The following ZFHX3 variants were observed in gnomAD, a reference collection of about 807,000 sequenced individuals.
ZFHX3 encodes the protein zinc finger homeobox 3.
A neutral mutation model predicts 279.1 loss-of-function variants in ZFHX3; 42 were observed. That is an observed-to-expected ratio of 0.15 (90% CI 0.12 to 0.19). The LOEUF (loss-of-function observed/expected upper bound fraction) is 0.19. Ranked by LOEUF, ZFHX3 falls within the 10% of genes least tolerant of loss-of-function variation. The pLI is 1.00. For synonymous variants in ZFHX3, 2,293 were observed against 1,957.8 expected, an observed-to-expected ratio of 1.17 and a Z score of -4.52; for missense variants, 4,981 against 4,754.0, an observed-to-expected ratio of 1.05 and a Z score of -1.40.
intron 1 of ZFHX3, among the ~76,000 whole-genome samples, chr16:73,706,604 T>A (rs1174102371): frequency 6.6e-6 from 1 of 152,180 alleles, no homozygotes; most frequent in African/African-American, 2.4e-5. Context: ...CAATCTCTCA[T>A]CACAGCCCTT....
chr16:73,068,755 G>A (rs535760033), intron 8 of ZFHX3, among the ~76,000 whole-genome samples: 1 of 152,358 alleles, frequency 6.6e-6, no homozygotes, highest in South Asian at 2.1e-4. Flanking sequence ...CAGGGAATAA[G>A]AGCAGGCAGA....
chr16:73,448,900 T>C (rs929778531), intron 3 of ZFHX3, among the ~76,000 whole-genome samples: 1 of 152,126 alleles, frequency 6.6e-6, no homozygotes, highest in Non-Finnish European at 1.5e-5. Context: ...ATGTACTCTA[T>C]AAAAGGAAAT....
chr16:72,924,296 G>C lies in ZFHX3; in HGVS notation c.3216+26173C>G, dbSNP rs548255032. ...CCTCTGTTAAACAGGGCAGCTCTGGGGCAACACCGCAGGCCCTTCCTAGGA... is the reference window on the plus strand; with the variant it reads ...CCTCTGTTAAACAGGGCAGCTCTGGCGCAACACCGCAGGCCCTTCCTAGGA... On this transcript the variant is annotated intron_variant, in intron 3 of 9. Transcript: ENST00000268489. 2.0e-5 allele frequency among the ~76,000 whole-genome samples: 3 copies of C among 152,230 alleles called. No individual in the cohort carries two copies. In the East Asian group the frequency reaches 5.8e-4, roughly 29 times the overall value.
At chr16:73,645,482 T>C (rs1014762994) in intron 2 of ZFHX3, among the ~76,000 whole-genome samples, 4 of 152,156 alleles carry the variant, frequency 2.6e-5, no homozygotes, top group Admixed American at 1.3e-4. Context: ...GGTTTCCATC[T>C]CCTGACCTCG....
At chr16:72,874,345 TACAGGCACCCGCCACCACACCA>T in intron 4 of ZFHX3, among the ~76,000 whole-genome samples, 1 of 151,880 alleles carries the variant, frequency 6.6e-6, no homozygotes, top group East Asian at 1.9e-4. Context: ...TGGCTGGGAC[TACAGGCACCCGCCACCACACCA>T]GGCTAATTTT....
intron 4 of ZFHX3, among the ~76,000 whole-genome samples, chr16:72,832,374 T>C (rs544655086): frequency 6.6e-6 from 1 of 152,268 alleles, no homozygotes; most frequent in East Asian, 1.9e-4. Context: ...GTGAGCCCAC[T>C]TGGGCTTTTG....
chr16:73,464,203 A>G (rs1402064506), intron 2 of ZFHX3, among the ~76,000 whole-genome samples: 2 of 152,154 alleles, frequency 1.3e-5, no homozygotes, highest in Non-Finnish European at 2.9e-5. Context: ...TGGAAGAAAG[A>G]GAGAAAGAGA....
chr16:72,983,559 T>A (rs1445432286), intron 1 of ZFHX3, among the ~76,000 whole-genome samples: 1 of 152,100 alleles, frequency 6.6e-6, no homozygotes, highest in African/African-American at 2.4e-5. Context: ...ATTAAAAAAT[T>A]AGCTGGGAGT....
At chr16:73,722,045 A>T (rs2053478262) in intron 1 of ZFHX3, among the ~76,000 whole-genome samples, 1 of 152,224 alleles carries the variant, frequency 6.6e-6, no homozygotes, top group African/African-American at 2.4e-5. Context: ...ATCCTGTCTC[A>T]AACAAAGCAA....
chr16:72,876,858 C>G (rs1167981812), intron 4 of ZFHX3, among the ~76,000 whole-genome samples: 1 of 152,114 alleles, frequency 6.6e-6, no homozygotes, highest in East Asian at 1.9e-4. Flanking sequence ...TTCCAGATAT[C>G]TATGATATAT....
intron 1 of ZFHX3, among the ~76,000 whole-genome samples, chr16:73,798,099 G>A (rs548473442): frequency 5.3e-4 from 81 of 152,110 alleles, no homozygotes; most frequent in African/African-American, 7.7e-4. Flanking sequence ...AGAAACCACC[G>A]CACTCGGTCC....
At chr16:72,826,104 G>A (rs956755389) in intron 5 of ZFHX3, among the ~76,000 whole-genome samples, 1 of 152,158 alleles carries the variant, frequency 6.6e-6, no homozygotes, top group South Asian at 2.1e-4. Flanking sequence ...GCCATTGATC[G>A]TGGAATTGAC....
At position 72,948,953 on chromosome 16, in the gene ZFHX3, T is replaced by C. The variant is rs114171583; in HGVS notation, c.3216+1516A>G. 2.5e-3 allele frequency among the ~76,000 whole-genome samples: 385 copies of C among 152,330 alleles called. 3 individuals are homozygous for C. The highest frequency in any genetic ancestry group is 0.014 in the Middle Eastern group (4 of 294). ...CCAGTCCAGCAAGGTTCTTGCTCAT[T>C]TGAGATAAGGGGATTGGATGCGTGG... On this transcript the variant is annotated intron_variant, in intron 3 of 9. Transcript: ENST00000268489.
intron 3 of ZFHX3, among the ~76,000 whole-genome samples, chr16:73,393,645 T>A (rs2017065254): frequency 6.6e-6 from 1 of 152,132 alleles, no homozygotes; most frequent in Non-Finnish European, 1.5e-5. Context: ...GTTTCCTAGC[T>A]CTGATCACAT....
chr16:72,916,222 G>GTTA (rs2039439369), intron 3 of ZFHX3, among the ~76,000 whole-genome samples: 1 of 152,090 alleles, frequency 6.6e-6, no homozygotes, highest in Admixed American at 6.6e-5. Flanking sequence ...GACTACTGCT[G>GTTA]TTATTACTAA....
chr16:73,701,351 G>T (rs1327225599), intron 1 of ZFHX3, among the ~76,000 whole-genome samples: 1 of 152,054 alleles, frequency 6.6e-6, no homozygotes, highest in Non-Finnish European at 1.5e-5. Context: ...ACAAACAAAA[G>T]ATTTTAATTA....
intron 2 of ZFHX3, among the ~76,000 whole-genome samples, chr16:73,456,712 C>G (rs1479240651): frequency 2.0e-5 from 3 of 152,164 alleles, no homozygotes; most frequent in African/African-American, 7.2e-5. Context: ...AATAGAGTGC[C>G]GCTCCAAGGC....
chr16:73,644,564 G>A (rs2052601283), intron 2 of ZFHX3, among the ~76,000 whole-genome samples: 1 of 152,160 alleles, frequency 6.6e-6, no homozygotes, highest in African/African-American at 2.4e-5. Flanking sequence ...CAGAGGCTGA[G>A]GTAGGAAAAT....
chr16:73,674,856 TA>T (rs2052938811), intron 2 of ZFHX3, among the ~76,000 whole-genome samples: 1 of 152,112 alleles, frequency 6.6e-6, no homozygotes, highest in South Asian at 2.1e-4. Context: ...CAGCTGACTA[TA>T]ACCACAGGAA....
Sources: gnomAD v4.1 joint callset for allele counts (sites outside exome capture counted in the v4.1 genomes callset) on GRCh38, gnomAD v4.1.1 for gene constraint, MANE v1.5 for transcripts, NCBI Gene and HGNC (gene_info 2026-07-23, HGNC 2026-07-21) for gene names.